DOK6: variants seen among roughly 807,000 people sequenced by gnomAD.
The protein encoded by DOK6 is docking protein 6, also known as downstream of tyrosine kinase 6.
Under a neutral mutation model 44.0 loss-of-function variants are expected in DOK6, and 22 were observed. The ratio of observed to expected loss-of-function variants is 0.50; its 90% CI spans 0.36 to 0.71. The LOEUF is 0.71. Among genes scored for constraint, DOK6 ranks in the 30% least tolerant of loss-of-function variants. DOK6 has a pLI of 0.00. For synonymous variants in DOK6, 166 were observed against 145.5 expected, an observed-to-expected ratio of 1.14 and a Z score of -1.01; for missense variants, 340 against 416.4, an observed-to-expected ratio of 0.82 and a Z score of 1.60.
intron 5 of DOK6, among the ~76,000 whole-genome samples, chr18:69,709,554 A>AG (rs1475951046): frequency 6.6e-6 from 1 of 152,100 alleles, no homozygotes; most frequent in African/African-American, 2.4e-5. Flanking sequence ...TCTTGGTGTT[A>AG]AATAAATTCT....
At chr18:69,530,981 G>T (rs537095260) in intron 1 of DOK6, among the ~76,000 whole-genome samples, 6 of 152,142 alleles carry the variant, frequency 3.9e-5, no homozygotes, top group African/African-American at 1.2e-4. Flanking sequence ...AGGATAGTTA[G>T]CTCTTCTTGT....
chr18:69,726,483 G>A (rs1286103563), intron 5 of DOK6, among the ~76,000 whole-genome samples: 2 of 152,070 alleles, frequency 1.3e-5, no homozygotes. Flanking sequence ...GCGTGTGAAT[G>A]ACCACAGCAG....
In DOK6 at chr18:69,452,128, G is replaced by C. The variant is rs369048573; in HGVS notation, c.66+50818G>C. 2.0e-5 allele frequency among the ~76,000 whole-genome samples: 3 copies of C among 152,154 alleles called. No homozygotes were observed. The East Asian group carries it at 5.8e-4, about 29-fold the overall frequency. On this transcript the variant is annotated intron_variant, in intron 1 of 7. Transcript: ENST00000382713. ...AAAAAATCAATGAATCCAGGAGCTG[G>C]TTTTTGGAAAGGATCAACAAAATTG... is the stretch of plus-strand genomic sequence containing the variant.
At chr18:69,591,764 A>G (rs1983627126) in intron 2 of DOK6, among the ~76,000 whole-genome samples, 1 of 152,162 alleles carries the variant, frequency 6.6e-6, no homozygotes, top group South Asian at 2.1e-4. Context: ...TTCTAGGAGT[A>G]GGAAAAGCAT....
chr18:69,752,141 AAATG>A (rs1182357902), intron 6 of DOK6, among the ~76,000 whole-genome samples: 2 of 152,092 alleles, frequency 1.3e-5, no homozygotes, highest in African/African-American at 4.8e-5. Context: ...TTATTTACAT[AAATG>A]AAAACACAAG....
chr18:69,678,277 A>C (rs887767017), intron 4 of DOK6, among the ~76,000 whole-genome samples: 3 of 152,308 alleles, frequency 2.0e-5, no homozygotes, highest in East Asian at 3.9e-4. Context: ...TAAACTGAAC[A>C]GTTCAAGTTA....
At chr18:69,475,602 C>T (rs898853555) in intron 1 of DOK6, among the ~76,000 whole-genome samples, 5 of 152,116 alleles carry the variant, frequency 3.3e-5, no homozygotes, top group Admixed American at 2.0e-4. Flanking sequence ...GAATTGTGTT[C>T]CTGGAAACAA....
intron 1 of DOK6, among the ~76,000 whole-genome samples, chr18:69,543,190 C>T (rs1007027761): frequency 2.0e-5 from 3 of 151,498 alleles, no homozygotes; most frequent in Non-Finnish European, 4.4e-5. Flanking sequence ...TTATTTTCGG[C>T]TGTCACTTGG....
Position 69,805,754 on chromosome 18 carries a change from C to T in DOK6, c.857-35490C>T, listed in dbSNP as rs116380080. On this transcript the variant is annotated intron_variant, in intron 7 of 7. Transcript: ENST00000382713. ...ATAATGTTTGAGAACTGTCAATTAA[C>T]AAGCAATACACATTTTCTTGAAATA... Among the ~76,000 whole-genome samples, 52 of 152,154 alleles carry T rather than the reference C, an allele frequency of 3.4e-4. 1 individual carries two copies. Among genetic ancestry groups the T allele is most frequent in the African/African-American group, 1.2e-3 (48 of 41,538 alleles).
At chr18:69,739,756 CTA>C (rs1237043853) in intron 6 of DOK6, among the ~76,000 whole-genome samples, 1 of 152,020 alleles carries the variant, frequency 6.6e-6, no homozygotes, top group Non-Finnish European at 1.5e-5. Context: ...AATGAAATGA[CTA>C]TTGATTATGA....
intron 1 of DOK6, among the ~76,000 whole-genome samples, chr18:69,550,819 C>T (rs1471306184): frequency 1.4e-5 from 2 of 140,842 alleles, no homozygotes; most frequent in African/African-American, 5.3e-5. Context: ...GGTCTTACTC[C>T]CTCACCCAGT....
chr18:69,736,137 G>A (rs1978597283), intron 5 of DOK6, among the ~76,000 whole-genome samples: 1 of 152,090 alleles, frequency 6.6e-6, no homozygotes, highest in Admixed American at 6.6e-5. Flanking sequence ...AGAAGCAATA[G>A]GCCATATATA....
At chr18:69,757,567 G>A (rs558544850) in intron 6 of DOK6, among the ~76,000 whole-genome samples, 189 bp from the exon 7 acceptor site, 1 of 151,520 alleles carries the variant, frequency 6.6e-6, no homozygotes, top group Non-Finnish European at 1.5e-5. Context: ...GAGTAAAATT[G>A]TTTACAAGTA....
intron 2 of DOK6, among the ~76,000 whole-genome samples, chr18:69,576,133 A>C (rs1295278836): frequency 6.6e-6 from 1 of 152,140 alleles, no homozygotes; most frequent in African/African-American, 2.4e-5. Flanking sequence ...AGGTAAATAA[A>C]GGAAGCTCCT....
intron 1 of DOK6, among the ~76,000 whole-genome samples, chr18:69,511,796 C>T (rs1313025642): frequency 6.6e-6 from 1 of 152,140 alleles, no homozygotes; most frequent in Admixed American, 6.6e-5. Context: ...CCATTGAAAC[C>T]ATAGTTCTTT....
chr18:69,581,277 G>T lies in DOK6; in HGVS notation c.174+16683G>T, dbSNP rs904767037. On this transcript the variant is annotated intron_variant, in intron 2 of 7. Coordinates refer to ENST00000382713, the MANE Select transcript of DOK6 (RefSeq NM_152721.6). ...CCCAGTGGTTGATAACTTGTTTGCT[G>T]TGGCTCATCACTCATGCCTTCCCAG... Among the ~76,000 whole-genome samples the T allele has an allele frequency of 1.4e-4, 21 of 151,808 alleles. 1 individual carries two copies. Among genetic ancestry groups the T allele is most frequent in the Admixed American group, 5.2e-4 (8 of 15,262 alleles).
At chr18:69,620,274 G>T (rs1232092514) in intron 3 of DOK6, among the ~76,000 whole-genome samples, 3 of 151,976 alleles carry the variant, frequency 2.0e-5, no homozygotes, top group African/African-American at 4.8e-5. Flanking sequence ...TTGCCAAGTT[G>T]TCATTTTCTT....
intron 1 of DOK6, among the ~76,000 whole-genome samples, chr18:69,422,925 G>A (rs546208866): frequency 6.6e-6 from 1 of 152,228 alleles, no homozygotes; most frequent in African/African-American, 2.4e-5. Flanking sequence ...AAGCATGATG[G>A]AAATTGCAGA....
At chr18:69,682,904 G>A (rs914393497) in intron 4 of DOK6, among the ~76,000 whole-genome samples, 1 of 152,124 alleles carries the variant, frequency 6.6e-6, no homozygotes, top group African/African-American at 2.4e-5. Context: ...AGGCAAGTCT[G>A]AAACTCTTGA....
Sources: allele counts gnomAD v4.1 joint callset (sites outside exome capture counted in the v4.1 genomes callset), GRCh38; gene constraint gnomAD v4.1.1; transcripts MANE v1.5; gene names NCBI Gene and HGNC (gene_info 2026-07-23, HGNC 2026-07-21).